The following TBC1D32 variants were observed in gnomAD, a reference collection of about 807,000 sequenced individuals.
The protein encoded by TBC1D32 is protein broad-minded.
A neutral mutation model predicts 170.3 loss-of-function variants in TBC1D32; 151 were observed. The ratio of observed to expected loss-of-function variants is 0.89; its 90% CI spans 0.78 to 1.01. The LOEUF is 1.01. Among genes scored for constraint, TBC1D32 ranks in the 50% least tolerant of loss-of-function variants. TBC1D32 has a pLI of 0.00. For missense variants in TBC1D32, 1,464 were observed against 1,457.1 expected, an observed-to-expected ratio of 1.00 and a Z score of -0.08; for synonymous variants, 498 against 488.0, an observed-to-expected ratio of 1.02 and a Z score of -0.27.
chr6:121,096,398 A>G, intron 30 of TBC1D32: 1 of 152,130 alleles, frequency 6.6e-6, no homozygotes, highest in Non-Finnish European at 1.5e-5. Context: ...CCTATACACC[A>G]ATAACAGACA....
At chr6:121,183,436 G>A (rs1427617475) in intron 22 of TBC1D32, among the ~76,000 whole-genome samples, 2 of 152,090 alleles carry the variant, frequency 1.3e-5, no homozygotes, top group Admixed American at 6.6e-5. Context: ...GAGGTGGGAA[G>A]TATCTAGACT....
intron 22 of TBC1D32, among the ~76,000 whole-genome samples, chr6:121,171,856 G>A (rs1787057664): frequency 6.6e-6 from 1 of 151,988 alleles, no homozygotes; most frequent in Admixed American, 6.6e-5. Context: ...GGTTAGGTAA[G>A]GTCTCTCTGA....
intron 31 of TBC1D32, among the ~76,000 whole-genome samples, chr6:121,086,810 C>G (rs1458577796): frequency 1.3e-5 from 2 of 152,146 alleles, no homozygotes; most frequent in African/African-American, 4.8e-5. Context: ...CACTAAAACA[C>G]TAGGACATCC....
chr6:121,305,086 T>C (rs1444841465), intron 5 of TBC1D32, among the ~76,000 whole-genome samples: 1 of 151,958 alleles, frequency 6.6e-6, no homozygotes, highest in African/African-American at 2.4e-5. Context: ...TATACTGACA[T>C]GGTGAGGAGG....
chr6:121,119,006 T>A (rs967606249), intron 26 of TBC1D32, among the ~76,000 whole-genome samples: 1 of 152,248 alleles, frequency 6.6e-6, no homozygotes, highest in African/African-American at 2.4e-5. Flanking sequence ...TCTTGCTTAT[T>A]TCCATTCTAA....
chr6:121,195,054 G>A (rs1790551944), intron 22 of TBC1D32, among the ~76,000 whole-genome samples: 1 of 152,194 alleles, frequency 6.6e-6, no homozygotes, highest in Non-Finnish European at 1.5e-5. Flanking sequence ...CTACAAACAA[G>A]AAAGAGGCAC....
chr6:121,284,055 A>C, intron 12 of TBC1D32, 145 bp from the exon 13 acceptor site: 1 of 631,760 alleles, frequency 1.6e-6, no homozygotes, highest in Non-Finnish European at 2.8e-6. Flanking sequence ...ATAATCTCAG[A>C]TAGAAGACTC....
At chr6:121,145,464 A>G (rs1322685196) in intron 24 of TBC1D32, among the ~76,000 whole-genome samples, 2 of 152,114 alleles carry the variant, frequency 1.3e-5, no homozygotes, top group Admixed American at 6.6e-5. Flanking sequence ...GCTGGAGGGC[A>G]GGGTATTGGG....
At chr6:121,199,715 AT>A (rs1220377685) in intron 22 of TBC1D32, among the ~76,000 whole-genome samples, 1 of 151,310 alleles carries the variant, frequency 6.6e-6, no homozygotes, top group East Asian at 1.9e-4. Flanking sequence ...AATTTCTGAT[AT>A]TAAAAAAAGA....
At chr6:121,258,397 G>A (rs140624278) in intron 15 of TBC1D32, among the ~76,000 whole-genome samples, 67 of 150,518 alleles carry the variant, frequency 4.5e-4, no homozygotes, top group African/African-American at 1.5e-3. Flanking sequence ...TAATCCCTTT[G>A]TTTGCAGCTT....
At chr6:121,121,464 T>C (rs935728588) in intron 26 of TBC1D32, among the ~76,000 whole-genome samples, 8 of 152,086 alleles carry the variant, frequency 5.3e-5, no homozygotes, top group African/African-American at 1.4e-4. Context: ...CTGTTATCAG[T>C]AGTATATGCT....
intron 26 of TBC1D32, among the ~76,000 whole-genome samples, chr6:121,121,916 A>G (rs1197759181): frequency 3.3e-5 from 5 of 152,050 alleles, no homozygotes. Context: ...ATGGCTTAGT[A>G]ATTTGTATTT....
chr6:121,259,309 C>A (rs117119465), intron 15 of TBC1D32, among the ~76,000 whole-genome samples: 4,970 of 151,480 alleles, frequency 0.033, 186 homozygotes, highest in East Asian at 0.12. Context: ...AAAAAATAAA[C>A]AAAATAAAAA....
At chr6:121,213,524 T>TAAAATA (rs371151560) in intron 21 of TBC1D32, among the ~76,000 whole-genome samples, 3 of 31,244 alleles carry the variant, frequency 9.6e-5, no homozygotes, top group African/African-American at 1.7e-4. Context: ...TAAAATAAAA[T>TAAAATA]AAATAAAATA....
At chr6:121,082,167 C>T (rs961990147) in intron 31 of TBC1D32, among the ~76,000 whole-genome samples, 3 of 151,932 alleles carry the variant, frequency 2.0e-5, no homozygotes. Flanking sequence ...GTGAGAAGAG[C>T]CCTGCCCTAA....
chr6:121,139,934 A>T (rs1782583995), intron 24 of TBC1D32: 1 of 152,112 alleles, frequency 6.6e-6, no homozygotes, highest in Non-Finnish European at 1.5e-5. Flanking sequence ...TGCAACTATA[A>T]AATATTTAAA....
chr6:121,101,143 A>T lies in TBC1D32; in HGVS notation c.3465+4880T>A, dbSNP rs149480510. On this transcript the variant is annotated intron_variant, in intron 30 of 31. Transcript: ENST00000398212. ...CCAGGACCAGATGGATTCACAGCCGAATTCTACCAGAGGTACAAGGAGGAG... is the reference window on the plus strand; with the variant it reads ...CCAGGACCAGATGGATTCACAGCCGTATTCTACCAGAGGTACAAGGAGGAG... Among the ~76,000 whole-genome samples, 230 of 152,238 alleles carry T rather than the reference A, an allele frequency of 1.5e-3. 1 individual carries two copies. Among genetic ancestry groups the T allele is most frequent in the African/African-American group, 5.4e-3 (223 of 41,552 alleles).
chr6:121,097,402 C>CA (rs764219291), intron 30 of TBC1D32, among the ~76,000 whole-genome samples: 18 of 152,082 alleles, frequency 1.2e-4, no homozygotes, highest in Non-Finnish European at 2.4e-4. Flanking sequence ...AGACACTTCT[C>CA]AAAAGAAGAC....
chr6:121,119,422 A>T (rs1449025655), intron 26 of TBC1D32, among the ~76,000 whole-genome samples: 1 of 152,158 alleles, frequency 6.6e-6, no homozygotes, highest in Non-Finnish European at 1.5e-5. Flanking sequence ...AAAATATAAA[A>T]GGTGTTTAAG....
Sources: gnomAD v4.1 joint callset for allele counts (sites outside exome capture counted in the v4.1 genomes callset) on GRCh38, gnomAD v4.1.1 for gene constraint, MANE v1.5 for transcripts, NCBI Gene and HGNC (gene_info 2026-07-23, HGNC 2026-07-21) for gene names.